C12orf42: variants seen among roughly 807,000 people sequenced by gnomAD.
C12orf42 encodes the protein uncharacterized protein C12orf42.
C12orf42 carries 25 observed loss-of-function variants against 21.6 expected under a neutral mutation model. The ratio of observed to expected loss-of-function variants is 1.16; its 90% CI spans 0.84 to 1.62. C12orf42 has a LOEUF of 1.62. C12orf42 is among the 40% of genes most tolerant of loss of function. The probability of loss-of-function intolerance (pLI) is 0.00; values close to 1 mark genes in which losing one functional copy is unlikely to be tolerated. For synonymous variants in C12orf42, 174 were observed against 175.0 expected, an observed-to-expected ratio of 0.99 and a Z score of 0.05; for missense variants, 483 against 459.3, an observed-to-expected ratio of 1.05 and a Z score of -0.47.
the C12orf42 span, among the ~76,000 whole-genome samples, chr12:103,089,199 T>C: frequency 6.6e-5 from 10 of 151,306 alleles, no homozygotes; most frequent in South Asian, 2.1e-3. Flanking sequence ...CTCAGATGAC[T>C]GCAGCCATGG....
At chr12:103,221,858 C>T in the C12orf42 span, among the ~76,000 whole-genome samples, 2 of 152,174 alleles carry the variant, frequency 1.3e-5, no homozygotes, top group African/African-American at 4.8e-5. Flanking sequence ...GGCTGAGGGA[C>T]ACCTGCCCAA....
chr12:103,249,630 G>A (rs532994593), intron 10 of C12orf42, among the ~76,000 whole-genome samples: 11 of 151,940 alleles, frequency 7.2e-5, no homozygotes, highest in Admixed American at 2.6e-4. Context: ...AATTCAATCC[G>A]AGAGAGAAGG....
chr12:103,283,369 G>A (rs1293502404), intron 4 of C12orf42, among the ~76,000 whole-genome samples: 1 of 152,166 alleles, frequency 6.6e-6, no homozygotes, highest in Non-Finnish European at 1.5e-5. Context: ...GCTTGTTTCT[G>A]CTTTAATCTA....
chr12:103,112,832 C>T, the C12orf42 span, among the ~76,000 whole-genome samples: 1 of 152,112 alleles, frequency 6.6e-6, no homozygotes, highest in Non-Finnish European at 1.5e-5. Flanking sequence ...ATTGATACTT[C>T]TCTTCTATTA....
chr12:103,144,466 T>C, the C12orf42 span, among the ~76,000 whole-genome samples: 3 of 152,168 alleles, frequency 2.0e-5, no homozygotes, highest in Non-Finnish European at 4.4e-5. Context: ...ATGCATGAGG[T>C]AAGTCCCTTA....
the C12orf42 span, among the ~76,000 whole-genome samples, chr12:103,510,774 G>A: frequency 1.3e-5 from 2 of 152,148 alleles, no homozygotes; most frequent in African/African-American, 4.8e-5. Context: ...AAACTTCAAT[G>A]GGAAATCGAT....
the C12orf42 span, among the ~76,000 whole-genome samples, chr12:103,536,984 AC>A: frequency 6.6e-6 from 1 of 150,812 alleles, no homozygotes; most frequent in African/African-American, 2.4e-5. Flanking sequence ...TAGGATGAAA[AC>A]CCTATGAGAG....
the C12orf42 span, among the ~76,000 whole-genome samples, chr12:103,196,132 C>A: frequency 6.6e-6 from 1 of 152,084 alleles, no homozygotes; most frequent in African/African-American, 2.4e-5. Context: ...TATGTTGTAA[C>A]TTTGTTTTCA....
intron 2 of C12orf42, among the ~76,000 whole-genome samples, chr12:103,462,043 C>A (rs1441817419): frequency 6.8e-6 from 1 of 147,030 alleles, no homozygotes; most frequent in African/African-American, 2.5e-5. Context: ...ATCAATCTAA[C>A]AATCATATAG....
At chr12:103,363,558 C>T (rs531878509) in intron 4 of C12orf42, among the ~76,000 whole-genome samples, 373 of 152,090 alleles carry the variant, frequency 2.5e-3, no homozygotes, top group Non-Finnish European at 4.1e-3. Context: ...AATTGCAGAA[C>T]GGATAAGAAT....
At chr12:103,436,926 C>A (rs2139458342) in intron 2 of C12orf42, among the ~76,000 whole-genome samples, 1 of 148,584 alleles carries the variant, frequency 6.7e-6, no homozygotes, top group East Asian at 2.0e-4. Context: ...CTACAGAACT[C>A]TCCACCCCAA....
intron 10 of C12orf42, among the ~76,000 whole-genome samples, chr12:103,253,290 C>A (rs1489677276): frequency 6.6e-6 from 1 of 151,826 alleles, no homozygotes; most frequent in Non-Finnish European, 1.5e-5. Flanking sequence ...GTTATACATG[C>A]TCTTTTTTGT....
chr12:103,364,098 A>G (rs2044369017), intron 4 of C12orf42, among the ~76,000 whole-genome samples: 1 of 152,150 alleles, frequency 6.6e-6, no homozygotes, highest in Admixed American at 6.6e-5. Context: ...GATAGGCCAC[A>G]AAACAAGCCT....
chr12:103,173,290 A>G, the C12orf42 span, among the ~76,000 whole-genome samples: 1 of 152,214 alleles, frequency 6.6e-6, no homozygotes, highest in Non-Finnish European at 1.5e-5. Context: ...CAGAGAGTCT[A>G]AGTGATACTT....
chr12:103,078,816 G>A, the C12orf42 span, among the ~76,000 whole-genome samples: 6 of 152,214 alleles, frequency 3.9e-5, no homozygotes, highest in Non-Finnish European at 8.8e-5. Context: ...TCTTATGAAT[G>A]TAATTTTGTC....
At chr12:103,192,587 A>C in the C12orf42 span, among the ~76,000 whole-genome samples, 2 of 152,142 alleles carry the variant, frequency 1.3e-5, no homozygotes, top group Non-Finnish European at 2.9e-5. Context: ...AAAAGAGAGA[A>C]TAGGTGCTAT....
At chr12:103,296,704 G>A (rs1371329963) in intron 4 of C12orf42, among the ~76,000 whole-genome samples, 5 of 151,976 alleles carry the variant, frequency 3.3e-5, no homozygotes, top group African/African-American at 1.2e-4. Flanking sequence ...CTTGTTGATG[G>A]GGTTGTTTTT....
At chr12:103,096,846 A>G in the C12orf42 span, among the ~76,000 whole-genome samples, 1 of 152,304 alleles carries the variant, frequency 6.6e-6, no homozygotes, top group South Asian at 2.1e-4. Context: ...GCAGTCACAC[A>G]GCTGGTAAAG....
the C12orf42 span, among the ~76,000 whole-genome samples, chr12:103,078,877 T>C: frequency 5.9e-5 from 9 of 152,144 alleles, 1 homozygote; most frequent in Non-Finnish European, 1.0e-4. Context: ...CGACATCCTA[T>C]ACTATGCTTT....
Sources: gnomAD v4.1 joint callset for allele counts (sites outside exome capture counted in the v4.1 genomes callset) on GRCh38, gnomAD v4.1.1 for gene constraint, MANE v1.5 for transcripts, NCBI Gene and HGNC (gene_info 2026-07-23, HGNC 2026-07-21) for gene names.